GALNTL6: variants seen among roughly 807,000 people sequenced by gnomAD.
GALNTL6 encodes the protein polypeptide N-acetylgalactosaminyltransferase like 6, also known as polypeptide N-acetylgalactosaminyltransferase-like 6.
GALNTL6 carries 46 observed loss-of-function variants against 73.7 expected under a neutral mutation model. That is an observed-to-expected ratio of 0.62 (90% CI 0.49 to 0.80). The LOEUF (loss-of-function observed/expected upper bound fraction) is 0.80, where lower values mean the gene tolerates loss of function less well. Among genes scored for constraint, GALNTL6 ranks in the 30% least tolerant of loss-of-function variants. GALNTL6 has a pLI of 0.00. For synonymous variants in GALNTL6, 259 were observed against 263.7 expected, an observed-to-expected ratio of 0.98 and a Z score of 0.17; for missense variants, 604 against 755.0, an observed-to-expected ratio of 0.80 and a Z score of 2.34.
intron 5 of GALNTL6, among the ~76,000 whole-genome samples, chr4:172,625,342 C>T (rs1739124371): frequency 6.6e-6 from 1 of 152,038 alleles, no homozygotes; most frequent in Non-Finnish European, 1.5e-5. Context: ...CCTTGAGCTG[C>T]ATCCAGGTCG....
chr4:172,316,349 G>C (rs552668723), intron 4 of GALNTL6, among the ~76,000 whole-genome samples: 76 of 152,256 alleles, frequency 5.0e-4, no homozygotes, highest in African/African-American at 1.7e-3. Flanking sequence ...TGTTACCTGA[G>C]ATAGACTTCT....
chr4:172,087,057 G>A (rs1174295761), intron 2 of GALNTL6, among the ~76,000 whole-genome samples: 1 of 152,098 alleles, frequency 6.6e-6, no homozygotes, highest in Non-Finnish European at 1.5e-5. Context: ...AGTATTCAAG[G>A]TTATTCATTG....
At chr4:172,714,802 G>A (rs146548805) in intron 5 of GALNTL6, among the ~76,000 whole-genome samples, 26 of 152,180 alleles carry the variant, frequency 1.7e-4, no homozygotes, top group African/African-American at 3.4e-4. Context: ...ATGGGTGAGC[G>A]TAAGGGCTAT....
intron 2 of GALNTL6, among the ~76,000 whole-genome samples, chr4:172,107,724 T>A (rs184193622): frequency 4.6e-3 from 694 of 150,670 alleles, no homozygotes; most frequent in South Asian, 0.029. Flanking sequence ...ATACCTAATG[T>A]TAAATGACGA....
intron 5 of GALNTL6, among the ~76,000 whole-genome samples, chr4:172,637,466 G>A (rs1739750800): frequency 6.6e-6 from 1 of 152,096 alleles, no homozygotes; most frequent in South Asian, 2.1e-4. Context: ...CAGAATTGCT[G>A]TATTTACCTT....
intron 5 of GALNTL6, among the ~76,000 whole-genome samples, chr4:172,413,581 T>C (rs1431877042): frequency 6.6e-6 from 1 of 152,148 alleles, no homozygotes; most frequent in Non-Finnish European, 1.5e-5. Context: ...AATTAGGCTT[T>C]TATGATGACC....
chr4:172,684,097 A>G (rs1057455263), intron 5 of GALNTL6, among the ~76,000 whole-genome samples: 1 of 152,228 alleles, frequency 6.6e-6, no homozygotes, highest in African/African-American at 2.4e-5. Flanking sequence ...AGACACATCT[A>G]TATCTCTCTA....
intron 5 of GALNTL6, among the ~76,000 whole-genome samples, chr4:172,552,840 A>T (rs1273184700): frequency 3.9e-5 from 4 of 102,990 alleles, no homozygotes; most frequent in Non-Finnish European, 8.2e-5. Flanking sequence ...ATTGCAGTAA[A>T]AAAAAAAAAA....
At chr4:171,870,372 T>C (rs1736104333) in intron 2 of GALNTL6, among the ~76,000 whole-genome samples, 1 of 152,210 alleles carries the variant, frequency 6.6e-6, no homozygotes, top group Non-Finnish European at 1.5e-5. Flanking sequence ...CTTCCAGACG[T>C]TGATGTGGTA....
chr4:172,393,750 C>A (rs72988245), intron 5 of GALNTL6, among the ~76,000 whole-genome samples: 4,483 of 152,180 alleles, frequency 0.029, 217 homozygotes, highest in African/African-American at 0.099. Context: ...TATGTAACTA[C>A]TTTTATTACG....
At chr4:172,626,261 A>G (rs1739167058) in intron 5 of GALNTL6, among the ~76,000 whole-genome samples, 1 of 152,034 alleles carries the variant, frequency 6.6e-6, no homozygotes, top group Non-Finnish European at 1.5e-5. Context: ...CCAGCAACAT[A>G]TATTGAATAG....
At chr4:172,849,829 T>A (rs1024677566) in intron 7 of GALNTL6, among the ~76,000 whole-genome samples, 3 of 152,140 alleles carry the variant, frequency 2.0e-5, no homozygotes, top group Non-Finnish European at 4.4e-5. Context: ...AACAATTTTT[T>A]AAGAAAAACA....
At chr4:172,852,227 C>G (rs1474928929) in intron 7 of GALNTL6, among the ~76,000 whole-genome samples, 1 of 152,108 alleles carries the variant, frequency 6.6e-6, no homozygotes, top group Non-Finnish European at 1.5e-5. Context: ...CACTCTAATT[C>G]CAACTGAGTG....
At chr4:172,894,039 A>G (rs1461229848) in intron 8 of GALNTL6, among the ~76,000 whole-genome samples, 1 of 152,128 alleles carries the variant, frequency 6.6e-6, no homozygotes, top group African/African-American at 2.4e-5. Context: ...TATGGTGTAT[A>G]TGTCACCTAT....
intron 5 of GALNTL6, among the ~76,000 whole-genome samples, chr4:172,373,576 T>C (rs780013457): frequency 7.2e-5 from 11 of 152,318 alleles, no homozygotes; most frequent in Middle Eastern, 6.8e-3. Context: ...GTGGGGTCTT[T>C]TAGCCTGATT....
chr4:172,008,886 T>A (rs1372457598), intron 2 of GALNTL6, among the ~76,000 whole-genome samples: 1 of 152,034 alleles, frequency 6.6e-6, no homozygotes, highest in African/African-American at 2.4e-5. Flanking sequence ...TGTCTGTGTG[T>A]AGAGGAGGGA....
At chr4:172,142,582 A>G (rs1733829064) in intron 2 of GALNTL6, among the ~76,000 whole-genome samples, 1 of 152,170 alleles carries the variant, frequency 6.6e-6, no homozygotes, top group East Asian at 1.9e-4. Flanking sequence ...ATGCTAAACT[A>G]TACCAGAATT....
intron 7 of GALNTL6, among the ~76,000 whole-genome samples, chr4:172,827,150 C>T (rs948026215): frequency 6.6e-6 from 1 of 152,212 alleles, no homozygotes; most frequent in Non-Finnish European, 1.5e-5. Flanking sequence ...TGACTCAGCT[C>T]TACTTAAGTT....
chr4:172,197,134 A>C (rs1306918864), intron 2 of GALNTL6, among the ~76,000 whole-genome samples: 1 of 152,150 alleles, frequency 6.6e-6, no homozygotes, highest in Non-Finnish European at 1.5e-5. Flanking sequence ...AAGCATTCCT[A>C]TACACCCAGA....
Sources: gnomAD v4.1 joint callset for allele counts (sites outside exome capture counted in the v4.1 genomes callset) on GRCh38, gnomAD v4.1.1 for gene constraint, MANE v1.5 for transcripts, NCBI Gene and HGNC (gene_info 2026-07-23, HGNC 2026-07-21) for gene names.